Variants in MCTP1 observed in about 807,000 individuals in gnomAD.
MCTP1 encodes multiple C2 and transmembrane domain-containing protein 1.
Under a neutral mutation model 120.6 loss-of-function variants are expected in MCTP1, and 69 were observed. The observed-to-expected ratio is 0.57, with a 90% CI of 0.47 to 0.70. The LOEUF (loss-of-function observed/expected upper bound fraction) is 0.70. Among genes scored for constraint, MCTP1 ranks in the 30% least tolerant of loss-of-function variants. The pLI is 0.00. For missense variants in MCTP1, 1,203 were observed against 1,248.8 expected (o/e 0.96, Z 0.55); for synonymous variants, 529 against 493.1 (o/e 1.07, Z -0.96).
rs76434664 is a variant in MCTP1, at chr5:95,146,111, T to C, written c.721-128627A>G. ...CATTTTCTTTTGAATTTCATTTGAA[T>C]CTTGGGAGATTATTTGTTTCCAAGA... On this transcript the variant is annotated intron_variant, in intron 1 of 22. Transcript: ENST00000515393. Among the ~76,000 whole-genome samples the C allele has an allele frequency of 3.6e-4, 55 of 152,282 alleles. No individual in the cohort carries two copies. The East Asian group carries it at 8.5e-3, about 23-fold the overall frequency.
intron 19 of MCTP1, among the ~76,000 whole-genome samples, chr5:94,741,955 G>T (rs1431824564): frequency 6.6e-6 from 1 of 152,166 alleles, no homozygotes; most frequent in Non-Finnish European, 1.5e-5. Flanking sequence ...TAATGATCCA[G>T]TTAAAATGCT....
chr5:95,232,248 C>T (rs1224149942), intron 1 of MCTP1, among the ~76,000 whole-genome samples: 1 of 139,468 alleles, frequency 7.2e-6, no homozygotes, highest in Admixed American at 7.1e-5. Context: ...CAAAAGAAGA[C>T]AGATACAAAG....
chr5:94,799,940 G>A (rs1363755012), intron 17 of MCTP1, among the ~76,000 whole-genome samples: 1 of 152,060 alleles, frequency 6.6e-6, no homozygotes, highest in Admixed American at 6.6e-5. Flanking sequence ...TGTAATCCTG[G>A]ACAGATCATT....
chr5:95,213,745 G>C (rs1752687205), intron 1 of MCTP1, among the ~76,000 whole-genome samples: 1 of 152,104 alleles, frequency 6.6e-6, no homozygotes, highest in Non-Finnish European at 1.5e-5. Context: ...ACAAACCTGA[G>C]AAAAACAAGC....
chr5:95,007,037 C>T (rs769470572), intron 2 of MCTP1, among the ~76,000 whole-genome samples: 13 of 152,064 alleles, frequency 8.5e-5, no homozygotes, highest in African/African-American at 2.7e-4. Context: ...CTCATAGTTC[C>T]GCATGGCTGG....
At chr5:94,915,294 T>C (rs114522881) in intron 8 of MCTP1, among the ~76,000 whole-genome samples, 57 of 152,318 alleles carry the variant, frequency 3.7e-4, no homozygotes, top group African/African-American at 1.4e-3. Context: ...ATATTTCTCA[T>C]CTTTATTCCT....
intron 1 of MCTP1, among the ~76,000 whole-genome samples, chr5:95,270,051 A>G (rs1759238145): frequency 6.6e-6 from 1 of 152,250 alleles, no homozygotes; most frequent in Non-Finnish European, 1.5e-5. Context: ...GAAAAATTAT[A>G]GGACTTTTAA....
chr5:94,959,966 A>G (rs554035920), intron 2 of MCTP1, among the ~76,000 whole-genome samples: 18 of 152,244 alleles, frequency 1.2e-4, no homozygotes, highest in African/African-American at 4.3e-4. Flanking sequence ...AGCCAAGACA[A>G]TCCTAAGCAA....
At chr5:95,088,512 A>G (rs1270202953) in intron 1 of MCTP1, among the ~76,000 whole-genome samples, 1 of 152,224 alleles carries the variant, frequency 6.6e-6, no homozygotes, top group Non-Finnish European at 1.5e-5. Context: ...TCTGTGAAGC[A>G]GGTACTACTC....
At chr5:95,009,213 G>T (rs142760800) in intron 2 of MCTP1, among the ~76,000 whole-genome samples, 2,112 of 152,060 alleles carry the variant, frequency 0.014, 49 homozygotes, top group African/African-American at 0.049. Context: ...GGAATAATTT[G>T]CTAAGGCAGC....
intron 2 of MCTP1, among the ~76,000 whole-genome samples, chr5:94,981,174 T>C (rs770943557): frequency 2.6e-5 from 4 of 152,176 alleles, no homozygotes; most frequent in Non-Finnish European, 5.9e-5. Context: ...CAACACAGTA[T>C]TCCCTTCAAC....
rs538125040 is a variant in MCTP1, at chr5:94,847,057, C to T, written c.2436+21276G>A. Among the ~76,000 whole-genome samples, 5 of 152,302 alleles carry T rather than the reference C, an allele frequency of 3.3e-5. No homozygotes were observed. The South Asian group carries it at 1.0e-3, about 32-fold the overall frequency. ...AAGAGCATTCCAGGTGATTCTGAAT[C>T]ATGCTAAAATTTGCGAACCTATGTG... On this transcript the variant is annotated intron_variant, in intron 17 of 22. Transcript: ENST00000515393.
chr5:94,892,128 G>C (rs889144481), intron 11 of MCTP1, among the ~76,000 whole-genome samples: 1 of 152,146 alleles, frequency 6.6e-6, no homozygotes, highest in African/African-American at 2.4e-5. Context: ...GCTCTGAGGG[G>C]CCAGAGCTGA....
chr5:94,778,772 C>T (rs1302111528), intron 19 of MCTP1, among the ~76,000 whole-genome samples: 1 of 152,078 alleles, frequency 6.6e-6, no homozygotes, highest in Non-Finnish European at 1.5e-5. Flanking sequence ...AAGCATGGCC[C>T]GATTTGTAAT....
intron 1 of MCTP1, among the ~76,000 whole-genome samples, chr5:95,140,002 C>T (rs1759774756): frequency 1.3e-5 from 2 of 152,212 alleles, no homozygotes; most frequent in African/African-American, 4.8e-5. Context: ...CCCTGAGCTG[C>T]TCTTCCATGC....
At chr5:95,148,321 C>G (rs199802991) in intron 1 of MCTP1, among the ~76,000 whole-genome samples, 1 of 151,842 alleles carries the variant, frequency 6.6e-6, no homozygotes, top group Non-Finnish European at 1.5e-5. Flanking sequence ...TACTCTCTCT[C>G]CTTTCTCAGG....
At chr5:95,218,832 C>T (rs890819458) in intron 1 of MCTP1, among the ~76,000 whole-genome samples, 6 of 152,138 alleles carry the variant, frequency 3.9e-5, no homozygotes, top group African/African-American at 7.2e-5. Flanking sequence ...AGTTACCGTA[C>T]TGAATACTAT....
chr5:95,246,000 G>A (rs1400576195), intron 1 of MCTP1, among the ~76,000 whole-genome samples: 2 of 147,830 alleles, frequency 1.4e-5, no homozygotes, highest in Admixed American at 1.3e-4. Flanking sequence ...AACCCTACAA[G>A]CCAGAAGAGT....
chr5:95,213,558 C>T (rs1486371025), intron 1 of MCTP1, among the ~76,000 whole-genome samples: 1 of 151,940 alleles, frequency 6.6e-6, no homozygotes, highest in Non-Finnish European at 1.5e-5. Flanking sequence ...ATCGCCAAGT[C>T]AATCCTAAGC....
Sources: gnomAD v4.1 joint callset for allele counts (sites outside exome capture counted in the v4.1 genomes callset) on GRCh38, gnomAD v4.1.1 for gene constraint, MANE v1.5 for transcripts, NCBI Gene and HGNC (gene_info 2026-07-23, HGNC 2026-07-21) for gene names.